SORCS3: variants seen among roughly 807,000 people sequenced by gnomAD.
SORCS3 encodes VPS10 domain-containing receptor SorCS3.
SORCS3 carries 57 observed loss-of-function variants against 146.3 expected under a neutral mutation model. The ratio of observed to expected loss-of-function variants is 0.39; its 90% CI spans 0.31 to 0.49. SORCS3 has a LOEUF of 0.49. Among genes scored for constraint, SORCS3 ranks in the 20% least tolerant of loss-of-function variants. SORCS3 has a pLI of 0.92. For missense variants in SORCS3, 1,341 were observed against 1,575.5 expected (o/e 0.85, Z 2.52); for synonymous variants, 653 against 618.5 (o/e 1.06, Z -0.83).
chr10:105,103,898 C>A (rs2055803579), intron 6 of SORCS3, among the ~76,000 whole-genome samples: 1 of 152,180 alleles, frequency 6.6e-6, no homozygotes, highest in Non-Finnish European at 1.5e-5. Context: ...TATGAGTAAA[C>A]CCCTTCCTAG....
At chr10:105,162,564 A>G (rs1319852423) in intron 11 of SORCS3, among the ~76,000 whole-genome samples, 1 of 152,182 alleles carries the variant, frequency 6.6e-6, no homozygotes, top group African/African-American at 2.4e-5. Context: ...CTGTCCCTTC[A>G]TCTGGGAACC....
At chr10:105,159,184 C>G (rs2056239880) in intron 11 of SORCS3, among the ~76,000 whole-genome samples, 190 bp downstream of exon 11, 1 of 152,136 alleles carries the variant, frequency 6.6e-6, no homozygotes, top group Admixed American at 6.5e-5. Context: ...ATTTGTAATT[C>G]CTAGGCTCAT....
intron 1 of SORCS3, among the ~76,000 whole-genome samples, chr10:104,785,080 A>ACCCC (rs759206919): frequency 2.4e-5 from 3 of 122,852 alleles, no homozygotes; most frequent in Non-Finnish European, 5.2e-5. Context: ...AGGGGGGCTG[A>ACCCC]CCCCCCCCCA....
intron 7 of SORCS3, among the ~76,000 whole-genome samples, chr10:105,123,327 G>A (rs547916797): frequency 3.9e-5 from 6 of 152,238 alleles, no homozygotes; most frequent in Admixed American, 2.6e-4. Flanking sequence ...TCTACAGATC[G>A]CTCCATTTAG....
In SORCS3 at chr10:105,046,596, C is replaced by T. The variant is rs148104027; in HGVS notation, c.1028+3468C>T. Reference sequence around the variant, plus strand: ...ATTGTAAGGAGTTATCATTATTATCCGCTTCTTCATTAGTGCCCCACCCTT... The same window carrying T: ...ATTGTAAGGAGTTATCATTATTATCTGCTTCTTCATTAGTGCCCCACCCTT... On this transcript the variant is annotated intron_variant, in intron 5 of 26. Transcript: ENST00000369701. Among the ~76,000 whole-genome samples, 15 of 152,150 alleles carry T rather than the reference C, an allele frequency of 9.9e-5. 1 individual carries two copies. Among genetic ancestry groups the T allele is most frequent in the South Asian group, 4.1e-4 (2 of 4,820 alleles).
chr10:105,141,714 G>A (rs1015976804), intron 8 of SORCS3, among the ~76,000 whole-genome samples: 34 of 152,130 alleles, frequency 2.2e-4, no homozygotes, highest in African/African-American at 8.0e-4. Flanking sequence ...CAGTCCCTGG[G>A]CATCAGGTTG....
chr10:104,738,078 A>G (rs1428007922), intron 1 of SORCS3, among the ~76,000 whole-genome samples: 7 of 152,098 alleles, frequency 4.6e-5, no homozygotes, highest in Admixed American at 4.6e-4. Context: ...CAAAGATCAG[A>G]TAGTTGTAGA....
chr10:104,865,753 C>T (rs1167192805), intron 2 of SORCS3, among the ~76,000 whole-genome samples: 1 of 152,184 alleles, frequency 6.6e-6, no homozygotes, highest in Non-Finnish European at 1.5e-5. Context: ...ATGAAAGAAA[C>T]ATGGAATTTT....
At position 105,164,407 on chromosome 10, in the gene SORCS3, G is replaced by A. The variant is rs115908760; in HGVS notation, c.1809+28G>A. The A allele has an allele frequency of 4.8e-4, 718 of 1,496,948 alleles. 4 individuals carry two copies. In the African/African-American group the frequency reaches 8.7e-3, roughly 18 times the overall value. 92.7% of individuals were successfully genotyped at this position (1,496,948 alleles called of 1,614,324 possible). A position where few individuals can be genotyped will look rare whatever the true frequency, so the allele number is the denominator to read the frequency against. On this transcript the variant is annotated intron_variant, in intron 12 of 26. Transcript: ENST00000369701. ...AACTGGGTGAATTGACAAAAAGGGA[G>A]GAGGCATTTAGAGTAAGTTCTACCA...
At chr10:104,746,404 G>A (rs968369100) in intron 1 of SORCS3, among the ~76,000 whole-genome samples, 23 of 152,184 alleles carry the variant, frequency 1.5e-4, no homozygotes, top group African/African-American at 4.3e-4. Flanking sequence ...CCAGAGTGCT[G>A]GGATTACAGG....
At chr10:104,947,440 G>T (rs893900667) in intron 3 of SORCS3, among the ~76,000 whole-genome samples, 10 of 152,070 alleles carry the variant, frequency 6.6e-5, no homozygotes, top group African/African-American at 2.2e-4. Context: ...TTTCCTCTTG[G>T]GGGAGGCACA....
intron 6 of SORCS3, among the ~76,000 whole-genome samples, chr10:105,090,980 G>C (rs2055697887): frequency 6.6e-6 from 1 of 152,116 alleles, no homozygotes; most frequent in Admixed American, 6.5e-5. Context: ...GCATTTGGGG[G>C]AATATGTTTT....
chr10:104,889,282 CT>C (rs35462776), intron 2 of SORCS3, among the ~76,000 whole-genome samples: 49,395 of 122,580 alleles, frequency 0.4, 10,794 homozygotes, highest in African/African-American at 0.66. Context: ...ATTTCCTGTG[CT>C]TTTTTTTTTT....
chr10:104,826,404 T>C (rs985490885), intron 1 of SORCS3, among the ~76,000 whole-genome samples: 3 of 152,196 alleles, frequency 2.0e-5, no homozygotes, highest in African/African-American at 7.2e-5. Flanking sequence ...CTCAGAGATA[T>C]TGTGTGTTAC....
Position 104,906,960 on chromosome 10 carries a change from A to G in SORCS3, c.696-8873A>G, listed in dbSNP as rs566094817. Reference sequence around the variant, plus strand: ...TTAGTAGTTTTATATATTTTCCACTAGATTTTATATGTATTTGTTTACACG... The same window carrying G: ...TTAGTAGTTTTATATATTTTCCACTGGATTTTATATGTATTTGTTTACACG... On this transcript the variant is annotated intron_variant, in intron 2 of 26. Transcript: ENST00000369701. Among the ~76,000 whole-genome samples the G allele has an allele frequency of 4.3e-4, 65 of 152,314 alleles. 1 individual carries two copies. The highest frequency in any genetic ancestry group is 1.6e-3 in the African/African-American group (65 of 41,570).
At chr10:104,870,740 C>T (rs928033222) in intron 2 of SORCS3, among the ~76,000 whole-genome samples, 7 of 152,122 alleles carry the variant, frequency 4.6e-5, no homozygotes, top group South Asian at 4.1e-4. Flanking sequence ...AGCATGACCT[C>T]GCAGGGCTGT....
intron 19 of SORCS3, chr10:105,217,702 C>A: frequency 2.4e-6 from 1 of 414,432 alleles, no homozygotes. Context: ...GAATCTATTT[C>A]ATTGCTATTG....
chr10:104,643,539 G>A (rs1042372733), intron 1 of SORCS3, among the ~76,000 whole-genome samples: 1 of 152,178 alleles, frequency 6.6e-6, no homozygotes, highest in Non-Finnish European at 1.5e-5. Flanking sequence ...CAGCTCTGGC[G>A]AGAGGGGTGG....
intron 2 of SORCS3, among the ~76,000 whole-genome samples, chr10:104,855,376 A>G (rs527893686): frequency 6.6e-6 from 1 of 152,274 alleles, no homozygotes; most frequent in South Asian, 2.1e-4. Context: ...TGGGGTTTTG[A>G]TAGGAGTTTT....
Sources: gnomAD v4.1 joint callset for allele counts (sites outside exome capture counted in the v4.1 genomes callset) on GRCh38, gnomAD v4.1.1 for gene constraint, MANE v1.5 for transcripts, NCBI Gene and HGNC (gene_info 2026-07-23, HGNC 2026-07-21) for gene names.